The following ZNF395 variants were observed in gnomAD, a reference collection of about 807,000 sequenced individuals.
ZNF395 encodes the protein zinc finger protein 395.
ZNF395 carries 20 observed loss-of-function variants against 57.7 expected under a neutral mutation model. The ratio of observed to expected loss-of-function variants is 0.35; its 90% CI spans 0.24 to 0.50. The LOEUF (loss-of-function observed/expected upper bound fraction) is 0.50. Ranked by LOEUF, ZNF395 falls within the 20% of genes least tolerant of loss-of-function variation. The pLI is 0.97. For synonymous variants in ZNF395, 295 were observed against 275.9 expected (o/e 1.07, Z -0.69); for missense variants, 606 against 671.2 (o/e 0.90, Z 1.07).
chr8:28,361,251 A>ATTTT, intron 1 of ZNF395, 69 bp from the exon 2 acceptor site: 2 of 1,318,580 alleles, frequency 1.5e-6, no homozygotes, highest in Non-Finnish European at 2.1e-6. Context: ...CTACTAAAAT[A>ATTTT]AGTGAACCCT....
At chr8:28,363,280 C>T (rs1454331334) in intron 1 of ZNF395, among the ~76,000 whole-genome samples, 2 of 151,884 alleles carry the variant, frequency 1.3e-5, no homozygotes, top group Admixed American at 1.3e-4. Flanking sequence ...CACAGGTGTG[C>T]GCTACCACGC....
chr8:28,371,290 G>T (rs1801973092), intron 1 of ZNF395, among the ~76,000 whole-genome samples: 2 of 152,152 alleles, frequency 1.3e-5, no homozygotes, highest in African/African-American at 4.8e-5. Flanking sequence ...AAGCTATCCT[G>T]CCACCTCAAC....
chr8:28,368,419 G>C (rs531043340), intron 1 of ZNF395: 1 of 152,150 alleles, frequency 6.6e-6, no homozygotes, highest in Non-Finnish European at 1.5e-5. Flanking sequence ...CCCCATTTTA[G>C]AGCTGAGAAC....
At chr8:28,354,323 T>C (rs1376276021) in intron 4 of ZNF395, among the ~76,000 whole-genome samples, 2 of 152,072 alleles carry the variant, frequency 1.3e-5, no homozygotes, top group Non-Finnish European at 2.9e-5. Context: ...ATTTATAATA[T>C]AGAAGAATCT....
In ZNF395 at chr8:28,356,443, C is replaced by T. The variant is rs946848690; in HGVS notation, c.583+227G>A. Reference sequence around the variant, plus strand: ...CACTGCAGCTCAGTCCCATGCTCAACCATCTTCACAATGTACCAGGAAACT... The same window carrying T: ...CACTGCAGCTCAGTCCCATGCTCAATCATCTTCACAATGTACCAGGAAACT... On this transcript the variant is annotated intron_variant, in intron 4 of 9. Coordinates refer to ENST00000344423, the MANE Select transcript of ZNF395 (RefSeq NM_018660.3). This position sits in a 1 kb window ranked among gnomAD's most constrained non-coding sequence, Gnocchi z 4.0. Among the ~76,000 whole-genome samples, 18 of 152,240 alleles carry T rather than the reference C, an allele frequency of 1.2e-4. 1 individual carries two copies. The highest frequency in any genetic ancestry group is 4.3e-4 in the African/African-American group (18 of 41,464).
At chr8:28,350,297 G>C (rs189826026) in intron 7 of ZNF395, 141 bp from the exon 8 acceptor site, 1 of 710,804 alleles carries the variant, frequency 1.4e-6, no homozygotes, top group East Asian at 2.8e-5. Context: ...GGACACACTC[G>C]GCTTTCTCGA....
At chr8:28,369,816 T>C (rs866091877) in intron 1 of ZNF395, among the ~76,000 whole-genome samples, 1 of 152,140 alleles carries the variant, frequency 6.6e-6, no homozygotes. Context: ...TCTTTAAACA[T>C]ATCAGCCCTG....
intron 1 of ZNF395, chr8:28,385,179 T>C (rs1406006576): frequency 1.3e-5 from 2 of 152,212 alleles, no homozygotes; most frequent in East Asian, 3.9e-4. Context: ...CCTGGCATCA[T>C]GGGAACGCCT....
chr8:28,351,541 G>A lies in ZNF395; in HGVS notation c.1187C>T (p.Ser396Leu). 1 of 1,613,354 alleles carries A rather than the reference G, an allele frequency of 6.2e-7. No homozygotes were observed. The highest frequency in any genetic ancestry group is 8.5e-7 in the Non-Finnish European group (1 of 1,179,550). ...SSLPSGALSK[S>L]APGSFWHIQA... ...AATGTGCCAGAAGGACCCAGGAGCT[G>A]ACTTGCTGAGAGCCCCTGAGGGCAG... The change falls in exon 7 of 10, where the codon TCA (serine) becomes TTA (leucine). Residue 396 changes from serine to leucine, a missense_variant. Coordinates refer to ENST00000344423, the MANE Select transcript of ZNF395 (RefSeq NM_018660.3).
chr8:28,386,330 C>T (rs1251045565), intron 1 of ZNF395, 63 bp downstream of exon 1: 2 of 147,132 alleles, frequency 1.4e-5, no homozygotes, highest in African/African-American at 4.9e-5. Flanking sequence ...CCCCCGCCCG[C>T]CCCCCGCGCC....
At chr8:28,385,791 G>A (rs989600830) in intron 1 of ZNF395, among the ~76,000 whole-genome samples, 1 of 148,382 alleles carries the variant, frequency 6.7e-6, no homozygotes, top group Admixed American at 6.7e-5. Context: ...CGGAGGGCGA[G>A]GTAAACAAGG....
At chr8:28,385,340 G>A (rs539954050) in intron 1 of ZNF395, 16 of 152,316 alleles carry the variant, frequency 1.1e-4, no homozygotes, top group African/African-American at 3.9e-4. Flanking sequence ...TGCACTCCCA[G>A]GCAGGGAAGA....
chr8:28,381,718 C>A (rs982509764), intron 1 of ZNF395, among the ~76,000 whole-genome samples: 1 of 152,062 alleles, frequency 6.6e-6, no homozygotes, highest in Non-Finnish European at 1.5e-5. Flanking sequence ...TCATATGGCA[C>A]CTGATGGCTG....
chr8:28,356,583 G>T lies in ZNF395; in HGVS notation c.583+87C>A. On this transcript the variant is annotated intron_variant, in intron 4 of 9. Coordinates refer to ENST00000344423, the MANE Select transcript of ZNF395 (RefSeq NM_018660.3). This position sits in a 1 kb window ranked among gnomAD's most constrained non-coding sequence, Gnocchi z 4.0. ...CTGGACATTCTATTGCCAGGCTGGT[G>T]ACATAGGCAACTAGCTGCTCTGCAC... 1.1e-6 allele frequency: 1 copy of T among 941,180 alleles called. No homozygotes were observed. Among genetic ancestry groups the T allele is most frequent in the South Asian group, 1.6e-5 (1 of 61,706 alleles). 58.3% of individuals were successfully genotyped at this position (941,180 alleles called of 1,614,324 possible).
chr8:28,360,767 G>A (rs892797363), intron 2 of ZNF395, 118 bp downstream of exon 2: 156 of 1,426,764 alleles, frequency 1.1e-4, no homozygotes, highest in Non-Finnish European at 1.4e-4. Flanking sequence ...TGGCTGGAGG[G>A]CAAAGGTCTG....
intron 7 of ZNF395, among the ~76,000 whole-genome samples, chr8:28,350,522 G>A (rs1801668835): frequency 6.6e-6 from 1 of 152,226 alleles, no homozygotes; most frequent in Non-Finnish European, 1.5e-5. Context: ...TAGGGGGCAT[G>A]GCTGGGATAA....
At chr8:28,380,169 C>A (rs1039380203) in intron 1 of ZNF395, among the ~76,000 whole-genome samples, 30 of 152,176 alleles carry the variant, frequency 2.0e-4, no homozygotes, top group African/African-American at 6.7e-4. Context: ...AAAAAAAAAT[C>A]TCTGAATAAT....
rs1190705992 is a variant in ZNF395 at position 28,360,944 on chromosome 8, C to T, written c.181G>A (p.Val61Ile). The T allele has an allele frequency of 1.2e-6, 2 of 1,613,908 alleles. No homozygotes were observed. Among genetic ancestry groups the T allele is most frequent in the East Asian group, 4.5e-5 (2 of 44,880 alleles). The change falls in exon 2 of 10, where the codon GTC (valine) becomes ATC (isoleucine). Residue 61 changes from valine to isoleucine, a missense_variant. Val to Ile is a conservative substitution (Grantham distance 29). This residue lies in a region of ZNF395 where 309 missense variants were observed against 374.7 expected (regional missense o/e 0.82). Transcript: ENST00000344423. ...DTPCQEQPKEVLKAPSTSGLQ... is the reference protein window; with the variant it reads ...DTPCQEQPKEILKAPSTSGLQ... The stretch of plus-strand genomic sequence containing the variant: ...CCCGAGGTGCTGGGAGCCTTAAGGA[C>T]TTCCTTGGGCTGCTCCTGGCAGGGG...
chr8:28,383,776 T>G (rs1014431320), intron 1 of ZNF395, among the ~76,000 whole-genome samples: 2 of 152,192 alleles, frequency 1.3e-5, no homozygotes, highest in Non-Finnish European at 2.9e-5. Flanking sequence ...CTGTAGCCTC[T>G]GCAACACTGT....
Sources: gnomAD v4.1 joint callset for allele counts (sites outside exome capture counted in the v4.1 genomes callset) on GRCh38, gnomAD v4.1.1 for gene constraint, gnomAD v4.1.1 regional missense constraint, Gnocchi (gnomAD v3.1) non-coding constraint, MANE v1.5 for transcripts, NCBI Gene and HGNC (gene_info 2026-07-23, HGNC 2026-07-21) for gene names.